Variants in TCF7L2 observed in about 807,000 individuals in gnomAD.
TCF7L2 encodes transcription factor 7 like 2.
A neutral mutation model predicts 77.9 loss-of-function variants in TCF7L2; 23 were observed. The observed-to-expected ratio is 0.30, with a 90% confidence interval of 0.21 to 0.42. TCF7L2 has a LOEUF of 0.42. TCF7L2 is among the 10% of genes least tolerant of loss of function. The pLI is 1.00. For missense variants in TCF7L2, 654 were observed against 793.1 expected (o/e 0.82, Z 2.11); for synonymous variants, 413 against 340.2 (o/e 1.21, Z -2.36).
chr10:112,967,285 A>G (rs2037172305), intron 4 of TCF7L2, among the ~76,000 whole-genome samples: 2 of 152,194 alleles, frequency 1.3e-5, no homozygotes, highest in South Asian at 2.1e-4. Flanking sequence ...CTAGATTTCA[A>G]TAGAAGCTGA....
intron 5 of TCF7L2, among the ~76,000 whole-genome samples, chr10:113,101,105 T>C (rs113003339): frequency 2.6e-5 from 4 of 152,188 alleles, no homozygotes; most frequent in Non-Finnish European, 5.9e-5. Flanking sequence ...CCTTCTTCAA[T>C]GTGTATCTTA....
chr10:113,143,789 T>G, intron 6 of TCF7L2, 134 bp from the exon 7 acceptor site: 1 of 637,984 alleles, frequency 1.6e-6, no homozygotes, highest in Non-Finnish European at 2.7e-6. Context: ...TCAGGATTTA[T>G]AATCATGAAT....
intron 8 of TCF7L2, among the ~76,000 whole-genome samples, chr10:113,147,026 A>G (rs1344006370): frequency 1.3e-5 from 2 of 152,208 alleles, no homozygotes; most frequent in African/African-American, 4.8e-5. Context: ...AATTCTGGCT[A>G]ATTTTTCAGT....
chr10:113,041,424 G>T (rs996645365), intron 5 of TCF7L2, among the ~76,000 whole-genome samples: 2 of 152,190 alleles, frequency 1.3e-5, no homozygotes, highest in African/African-American at 4.8e-5. Context: ...CTCAGGAAAG[G>T]AAACTGAGGC....
intron 5 of TCF7L2, among the ~76,000 whole-genome samples, chr10:113,138,480 T>C (rs2067775458): frequency 6.6e-6 from 1 of 152,188 alleles, no homozygotes; most frequent in Admixed American, 6.5e-5. Flanking sequence ...TCCTCTTTTG[T>C]TGTAAAGTAG....
intron 5 of TCF7L2, among the ~76,000 whole-genome samples, chr10:113,076,071 G>C (rs2058659282): frequency 6.7e-6 from 1 of 150,010 alleles, no homozygotes. Flanking sequence ...AGGAGGCGAA[G>C]GTTGTAGTGA....
At chr10:113,127,922 A>T (rs4918799) in intron 5 of TCF7L2, among the ~76,000 whole-genome samples, 1 of 146,364 alleles carries the variant, frequency 6.8e-6, no homozygotes, top group Non-Finnish European at 1.5e-5. Context: ...CTAGAAAATA[A>T]ATTCTTAGTC....
chr10:113,001,665 C>T (rs893999663), intron 4 of TCF7L2, among the ~76,000 whole-genome samples: 49 of 152,198 alleles, frequency 3.2e-4, no homozygotes, highest in African/African-American at 1.1e-3. Context: ...TTGGGTGACC[C>T]CCCTATCATG....
chr10:113,098,674 C>G (rs1316885396), intron 5 of TCF7L2, among the ~76,000 whole-genome samples: 1 of 152,040 alleles, frequency 6.6e-6, no homozygotes, highest in Non-Finnish European at 1.5e-5. Context: ...CCACTGCACT[C>G]CAGCCTGGGC....
intron 5 of TCF7L2, among the ~76,000 whole-genome samples, chr10:113,093,012 C>T (rs1186173056): frequency 6.6e-6 from 1 of 152,182 alleles, no homozygotes; most frequent in African/African-American, 2.4e-5. Context: ...GTCCAACACT[C>T]ACTTTTTTGG....
chr10:113,002,288 C>T (rs557463098), intron 4 of TCF7L2, among the ~76,000 whole-genome samples: 15 of 152,240 alleles, frequency 9.9e-5, no homozygotes, highest in African/African-American at 3.6e-4. Flanking sequence ...CTGTGTTGTT[C>T]CTTGGGGCTG....
intron 4 of TCF7L2, among the ~76,000 whole-genome samples, chr10:113,037,774 C>T (rs984056179): frequency 5.3e-5 from 8 of 152,136 alleles, no homozygotes; most frequent in African/African-American, 1.9e-4. Flanking sequence ...AAAACTTGTC[C>T]ACCAATCCAG....
chr10:113,123,791 G>A (rs941898757), intron 5 of TCF7L2, among the ~76,000 whole-genome samples: 1 of 152,142 alleles, frequency 6.6e-6, no homozygotes, highest in South Asian at 2.1e-4. Context: ...TCTTTGTAGC[G>A]TACCTTGACG....
intron 4 of TCF7L2, among the ~76,000 whole-genome samples, chr10:113,023,963 A>G (rs1350641419): frequency 6.6e-6 from 1 of 151,652 alleles, no homozygotes; most frequent in Non-Finnish European, 1.5e-5. Flanking sequence ...TTGCATGTAG[A>G]CAGTAATGGC....
intron 13 of TCF7L2, among the ~76,000 whole-genome samples, chr10:113,162,136 G>C (rs985810414): frequency 6.6e-6 from 1 of 152,176 alleles, no homozygotes; most frequent in Non-Finnish European, 1.5e-5. Context: ...TGTACCAGGT[G>C]GGAAGATAAC....
intron 5 of TCF7L2, among the ~76,000 whole-genome samples, chr10:113,059,013 G>A (rs35936842): frequency 0.5 from 75,863 of 151,958 alleles, 22,092 homozygotes; most frequent in African/African-American, 0.81. Context: ...TAATGCAACC[G>A]CCCCCCATGC....
chr10:113,066,695 G>A (rs868540635), intron 5 of TCF7L2, among the ~76,000 whole-genome samples: 5 of 152,198 alleles, frequency 3.3e-5, no homozygotes, highest in South Asian at 2.1e-4. Context: ...GTCATTGGGC[G>A]TGGTTGTGCC....
At chr10:113,071,757 G>A (rs139654673) in intron 5 of TCF7L2, among the ~76,000 whole-genome samples, 1 of 152,176 alleles carries the variant, frequency 6.6e-6, no homozygotes, top group Non-Finnish European at 1.5e-5. Context: ...TAGAGACCCT[G>A]TCAATGGAGG....
At chr10:113,143,830 C>T (rs1488829098) in intron 6 of TCF7L2, 93 bp from the exon 7 acceptor site, 15 of 837,556 alleles carry the variant, frequency 1.8e-5, no homozygotes, top group Admixed American at 4.9e-5. Context: ...AGAAGAGATG[C>T]GTCTCTTCCT....
Sources: allele counts gnomAD v4.1 joint callset (sites outside exome capture counted in the v4.1 genomes callset), GRCh38; gene constraint gnomAD v4.1.1; transcripts MANE v1.5; gene names NCBI Gene and HGNC (gene_info 2026-07-23, HGNC 2026-07-21).